The following PLEKHA7 variants were observed in gnomAD, a reference collection of about 807,000 sequenced individuals.
PLEKHA7 encodes pleckstrin homology domain-containing family A member 7.
In PLEKHA7, 104 loss-of-function variants were observed where a neutral mutation model predicts 170.0. That is an observed-to-expected ratio of 0.61 (90% CI 0.52 to 0.72). PLEKHA7 has a LOEUF of 0.72. Among genes scored for constraint, PLEKHA7 ranks in the 30% least tolerant of loss-of-function variants. The pLI is 0.00. For missense variants in PLEKHA7, 1,615 were observed against 1,671.7 expected, an observed-to-expected ratio of 0.97 and a Z score of 0.59; for synonymous variants, 648 against 660.8, an observed-to-expected ratio of 0.98 and a Z score of 0.30.
chr11:16,984,785 T>C (rs753864876), intron 3 of PLEKHA7, among the ~76,000 whole-genome samples: 3 of 152,212 alleles, frequency 2.0e-5, no homozygotes, highest in Non-Finnish European at 4.4e-5. Context: ...TCCCAGCATT[T>C]AGAACAATGC....
intron 13 of PLEKHA7, among the ~76,000 whole-genome samples, chr11:16,806,977 C>T (rs1027752569): frequency 2.0e-5 from 3 of 152,228 alleles, no homozygotes; most frequent in Non-Finnish European, 4.4e-5. Flanking sequence ...CCTGGTGCAT[C>T]AGCCAAAATG....
At chr11:16,860,203 A>T (rs1368332112) in intron 4 of PLEKHA7, among the ~76,000 whole-genome samples, 2 of 152,326 alleles carry the variant, frequency 1.3e-5, no homozygotes, top group African/African-American at 4.8e-5. Context: ...GTGAGCCTGA[A>T]CAGGAAGACA....
chr11:16,977,091 C>T (rs2136792019), intron 3 of PLEKHA7, among the ~76,000 whole-genome samples: 1 of 152,324 alleles, frequency 6.6e-6, no homozygotes, highest in South Asian at 2.1e-4. Context: ...GATGGGTAAA[C>T]TTTCTAGAAA....
intron 23 of PLEKHA7, chr11:16,787,831 T>C (rs2134176433): frequency 6.6e-6 from 1 of 152,314 alleles, no homozygotes; most frequent in South Asian, 2.1e-4. Flanking sequence ...TTTTAAAAGT[T>C]TAAAGGTTAC....
Position 16,826,113 on chromosome 11 carries a change from TA to T in PLEKHA7, c.1343+6del, listed in dbSNP as rs766589106. 1.9e-6 allele frequency: 3 copies of T among 1,611,290 alleles called. No individual in the cohort carries two copies. In the African/African-American group the frequency reaches 4.0e-5, roughly 22 times the overall value. On this transcript the variant is annotated splice_donor_region_variant and intron_variant, in intron 10 of 26. Transcript: ENST00000531066. ...TTATAAGCAGCGATCCTGAGTCTAT[TA>T]CTCACCTCCTGCTATCCCCTTTCTG...
rs1864966740 is a variant in PLEKHA7, at chr11:17,006,006, T to A, written c.221+7983A>T. Among the ~76,000 whole-genome samples the A allele has an allele frequency of 3.3e-5, 5 of 152,346 alleles. No individual in the cohort carries two copies. The South Asian group carries it at 1.0e-3, about 32-fold the overall frequency. ...CTGCTAGTTTCCCAGAAATTCTTTG[T>A]GGGACTATTACCCCCAGGTTTGAAA... On this transcript the variant is annotated intron_variant, in intron 3 of 26. Transcript: ENST00000531066.
Position 16,791,232 on chromosome 11 carries a change from C to T in PLEKHA7, c.2746-33G>A, listed in dbSNP as rs774625819. The T allele has an allele frequency of 7.8e-6, 12 of 1,544,740 alleles. No individual in the cohort carries two copies. Among genetic ancestry groups the T allele is most frequent in the Middle Eastern group, 1.7e-4 (1 of 5,740 alleles). On this transcript the variant is annotated intron_variant, in intron 19 of 26. Coordinates refer to ENST00000531066, the MANE Select transcript of PLEKHA7 (RefSeq NM_001329630.2). The surrounding 1 kb of genome is among the most constrained non-coding windows in gnomAD (Gnocchi z 4.5). ...GAAAGAGAACCAGACCAGTGGTCAG[C>T]GAGACGGAGCTGGAGGGAGGACTGC...
intron 3 of PLEKHA7, among the ~76,000 whole-genome samples, chr11:16,917,265 C>T (rs1219022379): frequency 6.6e-6 from 1 of 152,136 alleles, no homozygotes; most frequent in Non-Finnish European, 1.5e-5. Flanking sequence ...CCTGTCTTCC[C>T]CACTAGAATG....
chr11:16,843,520 C>T (rs1211476393), intron 8 of PLEKHA7, among the ~76,000 whole-genome samples: 5 of 152,266 alleles, frequency 3.3e-5, no homozygotes, highest in Non-Finnish European at 7.3e-5. Context: ...GCAAACTTGG[C>T]CTGCAGCCAA....
At position 16,817,444 on chromosome 11, in the gene PLEKHA7, G is replaced by T; in HGVS notation, c.1344-122C>A. ...GGACAGTCCTGTAAGAACCTCAAAA[G>T]AATGATCAAGGCCGACATCCAGGAC... On this transcript the variant is annotated intron_variant, in intron 10 of 26. Coordinates refer to ENST00000531066, the MANE Select transcript of PLEKHA7 (RefSeq NM_001329630.2). The surrounding 1 kb of genome is among the most constrained non-coding windows in gnomAD (Gnocchi z 4.4). 2 of 990,056 alleles carry T rather than the reference G, an allele frequency of 2.0e-6. No homozygotes were observed. Among genetic ancestry groups the T allele is most frequent in the Non-Finnish European group, 2.8e-6 (2 of 701,970 alleles). 61.3% of individuals were successfully genotyped at this position (990,056 alleles called of 1,614,324 possible).
intron 9 of PLEKHA7, among the ~76,000 whole-genome samples, chr11:16,838,403 CTAGGGAGGCTGA>C (rs1851685781): frequency 6.6e-6 from 1 of 151,536 alleles, no homozygotes; most frequent in Non-Finnish European, 1.5e-5. Flanking sequence ...GTCCCAGCTA[CTAGGGAGGCTGA>C]CATGGGAGGA....
At chr11:16,892,560 C>T (rs949895025) in intron 3 of PLEKHA7, among the ~76,000 whole-genome samples, 2 of 151,720 alleles carry the variant, frequency 1.3e-5, no homozygotes, top group Non-Finnish European at 2.9e-5. Flanking sequence ...ATCCTCCCAC[C>T]TCAGCCTCCA....
intron 11 of PLEKHA7, 53 bp from the exon 12 acceptor site, chr11:16,816,317 C>T: frequency 7.1e-7 from 1 of 1,415,756 alleles, no homozygotes; most frequent in Non-Finnish European, 9.9e-7. Flanking sequence ...CTGCCACTCA[C>T]TCCCAGGGAA....
At chr11:16,784,785 A>G (rs1025937823) in intron 24 of PLEKHA7, among the ~76,000 whole-genome samples, 1 of 152,242 alleles carries the variant, frequency 6.6e-6, no homozygotes, top group Non-Finnish European at 1.5e-5. Flanking sequence ...ATGGCAAGAA[A>G]TAAGCTCTTC....
chr11:16,832,489 G>A (rs1382730200), intron 9 of PLEKHA7, among the ~76,000 whole-genome samples: 1 of 152,198 alleles, frequency 6.6e-6, no homozygotes, highest in African/African-American at 2.4e-5. Context: ...GAACTTGAAT[G>A]TTAACAGATC....
At chr11:16,984,036 G>A (rs527316477) in intron 3 of PLEKHA7, among the ~76,000 whole-genome samples, 8 of 152,240 alleles carry the variant, frequency 5.3e-5, no homozygotes, top group Admixed American at 2.6e-4. Flanking sequence ...GGGCAACAGA[G>A]TGAGACCCTA....
At chr11:16,844,026 C>G (rs1269783064) in intron 8 of PLEKHA7, among the ~76,000 whole-genome samples, 1 of 152,162 alleles carries the variant, frequency 6.6e-6, no homozygotes, top group Non-Finnish European at 1.5e-5. Context: ...AAAATATCCC[C>G]TGGACCATGA....
chr11:16,980,831 G>A (rs1040417812), intron 3 of PLEKHA7, among the ~76,000 whole-genome samples: 3 of 152,166 alleles, frequency 2.0e-5, no homozygotes, highest in African/African-American at 7.2e-5. Context: ...AGGTTGCAGT[G>A]AGCCAAGATG....
At chr11:16,905,123 A>T (rs969174774) in intron 3 of PLEKHA7, among the ~76,000 whole-genome samples, 10 of 152,118 alleles carry the variant, frequency 6.6e-5, no homozygotes, top group Non-Finnish European at 2.9e-5. Context: ...GTGGTGGCAC[A>T]CACCCATGGT....
Sources: allele counts gnomAD v4.1 joint callset (sites outside exome capture counted in the v4.1 genomes callset), GRCh38; gene constraint gnomAD v4.1.1; non-coding constraint Gnocchi (gnomAD v3.1); transcripts MANE v1.5; gene names NCBI Gene and HGNC (gene_info 2026-07-23, HGNC 2026-07-21).